Variants in CES4A observed in about 807,000 individuals in gnomAD.
The protein encoded by CES4A is carboxylesterase 4A.
In CES4A, 48 loss-of-function variants were observed where a neutral mutation model predicts 65.4. That is an observed-to-expected ratio of 0.73 (90% CI 0.58 to 0.93). CES4A has a LOEUF of 0.93. CES4A is among the 40% of genes least tolerant of loss of function. The pLI is 0.00. For missense variants in CES4A, 685 were observed against 728.5 expected (o/e 0.94, Z 0.69); for synonymous variants, 247 against 281.8 (o/e 0.88, Z 1.24).
intron 1 of CES4A, among the ~76,000 whole-genome samples, chr16:66,990,019 A>G (rs1248075514): frequency 7.3e-6 from 1 of 136,872 alleles, no homozygotes; most frequent in Non-Finnish European, 1.6e-5. Flanking sequence ...CGCTTTTAAC[A>G]TTTTGGCGCA....
intron 9 of CES4A, 102 bp from the exon 10 acceptor site, chr16:67,004,691 C>A: frequency 1.1e-6 from 1 of 885,492 alleles, no homozygotes; most frequent in Non-Finnish European, 1.8e-6. Context: ...TCTGATAACT[C>A]ATCATTAGAT....
intron 11 of CES4A, 32 bp downstream of exon 11, chr16:67,005,425 G>GCC: frequency 6.2e-7 from 1 of 1,606,456 alleles, no homozygotes; most frequent in Non-Finnish European, 8.5e-7. Context: ...GGCCACACTG[G>GCC]CCCCGTCCAC....
rs1355172592 is a variant in CES4A, at chr16:66,995,843, G to C, written c.260+14G>C. ...CTACCCGCCTGGGTAAGAGTCAGAG[G>C]CCTGTCCACTGGGAGGGGGCAATGG... On this transcript the variant is annotated intron_variant, in intron 2 of 13. Transcript: ENST00000648724. 1 of 1,611,260 alleles carries C rather than the reference G, an allele frequency of 6.2e-7. No homozygotes were observed. The highest frequency in any genetic ancestry group is 1.7e-5 in the Admixed American group (1 of 59,950).
At position 67,003,652 on chromosome 16, in the gene CES4A, C is replaced by G; in HGVS notation, c.939+99C>G. The stretch of plus-strand genomic sequence containing the variant: ...GGAATTGTTCAGGCCAAGATCCCTT[C>G]CCTAGTGGAGCTGATGTTCCAGTGG... On this transcript the variant is annotated intron_variant, in intron 8 of 13. Coordinates refer to ENST00000648724, the Ensembl canonical transcript of CES4A. The surrounding 1 kb of genome is among the most constrained non-coding windows in gnomAD (Gnocchi z 4.2). 1.1e-6 allele frequency: 1 copy of G among 945,804 alleles called. No individual in the cohort carries two copies. Among genetic ancestry groups the G allele is most frequent in the Non-Finnish European group, 1.7e-6 (1 of 574,272 alleles). The allele number at this position is 945,804 out of a possible 1,614,324, so 58.6% of individuals were successfully genotyped here. A position where few individuals can be genotyped will look rare whatever the true frequency, so the allele number is the denominator to read the frequency against.
At chr16:67,006,675 C>A in intron 12 of CES4A, 70 bp from the exon 13 acceptor site, 1 of 1,543,324 alleles carries the variant, frequency 6.5e-7, no homozygotes, top group Non-Finnish European at 8.9e-7. Context: ...GCAGCAGAAG[C>A]AGCAGGAGTA....
rs560504014 is a variant in CES4A, at chr16:66,994,568, A to G, written c.59-1060A>G. On this transcript the variant is annotated intron_variant, in intron 1 of 13. Transcript: ENST00000648724. ...TTTGAAATGTTAAATGAGGTCGGGC[A>G]CGGTGGCTCATGCCTATAATCCCAG... Among the ~76,000 whole-genome samples the G allele has an allele frequency of 1.4e-3, 210 of 150,766 alleles. 1 individual carries two copies. The highest frequency in any genetic ancestry group is 2.6e-3 in the South Asian group (12 of 4,654).
intron 2 of CES4A, among the ~76,000 whole-genome samples, chr16:66,997,547 G>T (rs1019449909): frequency 5.3e-5 from 8 of 152,110 alleles, no homozygotes; most frequent in Admixed American, 3.3e-4. Context: ...TGGAGAATTG[G>T]ATATAAGCCA....
At chr16:67,006,326 T>C in intron 11 of CES4A, 65 bp from the exon 12 acceptor site, 1 of 1,521,900 alleles carries the variant, frequency 6.6e-7, no homozygotes, top group Non-Finnish European at 8.8e-7. Context: ...GTGGGAGGCA[T>C]GGGGTGGATG....
chr16:67,001,491 C>A lies in CES4A; in HGVS notation c.690+30C>A. On this transcript the variant is annotated intron_variant, in intron 5 of 13. Coordinates refer to ENST00000648724, the Ensembl canonical transcript of CES4A. The surrounding 1 kb of genome is among the most constrained non-coding windows in gnomAD (Gnocchi z 4.1). ...GAGCAATGCCCAGACGGACCGAGCA[C>A]AGACTTAGGCTCCTGCGTTCCCACA... The A allele has an allele frequency of 6.4e-7, 1 of 1,561,666 alleles. No homozygotes were observed. The highest frequency in any genetic ancestry group is 8.7e-7 in the Non-Finnish European group (1 of 1,154,282).
intron 10 of CES4A, 154 bp downstream of exon 10, chr16:67,005,027 T>C: frequency 1.3e-6 from 1 of 748,696 alleles, no homozygotes; most frequent in South Asian, 1.7e-5. Flanking sequence ...AGATGACTGC[T>C]TACAGGTAAG....
chr16:67,004,267 G>C (rs768995681), intron 9 of CES4A, 43 bp downstream of exon 9: 102 of 1,608,348 alleles, frequency 6.3e-5, no homozygotes, highest in Non-Finnish European at 8.3e-5. Context: ...TTACGTAAGT[G>C]AGTACCATAG....
At chr16:66,999,284 C>T (rs1965100068) in intron 2 of CES4A, among the ~76,000 whole-genome samples, 1 of 152,186 alleles carries the variant, frequency 6.6e-6, no homozygotes, top group African/African-American at 2.4e-5. Context: ...CCAGGCCCAG[C>T]TGTTATGAGA....
intron 1 of CES4A, among the ~76,000 whole-genome samples, chr16:66,994,678 A>G (rs1273524696): frequency 6.6e-6 from 1 of 151,016 alleles, no homozygotes; most frequent in Non-Finnish European, 1.5e-5. Flanking sequence ...CATCTCTACT[A>G]AAAATACAAA....
intron 13 of CES4A, 144 bp downstream of exon 13, chr16:67,006,961 T>G: frequency 1.5e-6 from 1 of 661,290 alleles, no homozygotes; most frequent in Non-Finnish European, 2.6e-6. Context: ...TTCTTCAGCT[T>G]TCCTCAGTCA....
intron 12 of CES4A, 47 bp downstream of exon 12, chr16:67,006,566 C>A (rs1186077431): frequency 6.4e-7 from 1 of 1,555,658 alleles, no homozygotes; most frequent in East Asian, 2.4e-5. Context: ...CAGTCTCCCA[C>A]CTCTGGATGC....
At chr16:66,995,266 C>A (rs1015176822) in intron 1 of CES4A, among the ~76,000 whole-genome samples, 1 of 148,544 alleles carries the variant, frequency 6.7e-6, no homozygotes, top group Admixed American at 6.7e-5. Context: ...GCCGAGATTG[C>A]GCCACTGCAC....
At position 67,000,464 on chromosome 16, in the gene CES4A, T is replaced by C; in HGVS notation, c.261-174T>C. On this transcript the variant is annotated intron_variant, in intron 2 of 13. Coordinates refer to ENST00000648724, the Ensembl canonical transcript of CES4A. The surrounding 1 kb of genome is among the most constrained non-coding windows in gnomAD (Gnocchi z 4.2). ...CCTGAGAGGCCAACCTGCCTCCCAG[T>C]CCTGGGCCCCGGGGCTGGCGGAGGC... The C allele has an allele frequency of 7.0e-7, 1 of 1,419,414 alleles. No homozygotes were observed. Among genetic ancestry groups the C allele is most frequent in the Non-Finnish European group, 9.2e-7 (1 of 1,090,234 alleles). The allele number at this position is 1,419,414 out of a possible 1,614,324, so 87.9% of individuals were successfully genotyped here.
At chr16:67,002,829 G>A (rs2145640771) in intron 5 of CES4A, among the ~76,000 whole-genome samples, 1 of 152,172 alleles carries the variant, frequency 6.6e-6, no homozygotes, top group South Asian at 2.1e-4. Context: ...CACACCAGCA[G>A]ATTCCCTCCC....
At chr16:66,995,518 C>T (rs1437024290) in intron 1 of CES4A, 110 bp from the exon 2 acceptor site, 4 of 897,926 alleles carry the variant, frequency 4.5e-6, no homozygotes, top group African/African-American at 1.7e-5. Context: ...GACCCTTTTC[C>T]CCTCTCTTTC....
Sources: gnomAD v4.1 joint callset for allele counts (sites outside exome capture counted in the v4.1 genomes callset) on GRCh38, gnomAD v4.1.1 for gene constraint, Gnocchi (gnomAD v3.1) non-coding constraint, MANE v1.5 for transcripts, NCBI Gene and HGNC (gene_info 2026-07-23, HGNC 2026-07-21) for gene names.